Variants in KIF20B observed in about 807,000 individuals in gnomAD.
KIF20B encodes kinesin-like protein KIF20B.
In KIF20B, 188 loss-of-function variants were observed where a neutral mutation model predicts 232.5. The observed-to-expected ratio is 0.81, with a 90% CI of 0.72 to 0.91. The LOEUF is 0.91. Among genes scored for constraint, KIF20B ranks in the 40% least tolerant of loss-of-function variants. The pLI is 0.00. For missense variants in KIF20B, 2,154 were observed against 2,055.9 expected (o/e 1.05, Z -0.92); for synonymous variants, 712 against 683.0 (o/e 1.04, Z -0.66).
intron 28 of KIF20B, 93 bp downstream of exon 28, chr10:89,760,729 G>A: frequency 1.4e-6 from 1 of 737,108 alleles, no homozygotes; most frequent in Non-Finnish European, 2.4e-6. Flanking sequence ...ATACCTTACT[G>A]CACAATTAGC....
Position 89,754,675 on chromosome 10 carries a change from T to C in KIF20B, c.4503+2T>C, listed in dbSNP as rs769282793. On this transcript the variant is annotated splice_donor_variant, in intron 26 of 32. Transcript: ENST00000371728. LOFTEE classifies it high-confidence loss of function. ...TTTTTTAAGCAACAGAATGAAATGG[T>C]TAGTAACAATTGTATCTTTGATGTA... 1.6e-5 allele frequency: 24 copies of C among 1,532,902 alleles called. No individual in the cohort carries two copies. The highest frequency in any genetic ancestry group is 4.2e-5 in the African/African-American group (3 of 71,784). The allele number at this position is 1,532,902 out of a possible 1,614,324, so 95.0% of individuals were successfully genotyped here.
At chr10:89,724,150 A>T (rs1229751456) in intron 14 of KIF20B, 47 bp downstream of exon 14, 4 of 1,402,002 alleles carry the variant, frequency 2.9e-6, no homozygotes, top group Admixed American at 2.8e-5. Context: ...AATTTTATTT[A>T]GTTTTTTAGT....
rs1842119667 is a variant in KIF20B at position 89,756,460 on chromosome 10, C to G, written c.4503+1787C>G. The stretch of plus-strand genomic sequence containing the variant: ...AGGGAAAGCTAGTTTACTCTTTTCT[C>G]TCATATGTTTCTTTATAATCATACT... On this transcript the variant is annotated intron_variant, in intron 26 of 32. Transcript: ENST00000371728. Among the ~76,000 whole-genome samples the G allele has an allele frequency of 1.3e-5, 2 of 152,132 alleles. 1 individual carries two copies. Among genetic ancestry groups the G allele is most frequent in the South Asian group, 4.1e-4 (2 of 4,830 alleles).
At chr10:89,735,191 C>A (rs146895977) in intron 19 of KIF20B, among the ~76,000 whole-genome samples, 1 of 152,052 alleles carries the variant, frequency 6.6e-6, no homozygotes, top group African/African-American at 2.4e-5. Context: ...TTACATATAT[C>A]TAGAAGCAGA....
chr10:89,703,096 A>G (rs1256081349), intron 1 of KIF20B, among the ~76,000 whole-genome samples: 2 of 151,216 alleles, frequency 1.3e-5, no homozygotes, highest in Non-Finnish European at 3.0e-5. Context: ...AGATTTATCA[A>G]CACTTTTCTT....
At chr10:89,756,459 T>C (rs764645879) in intron 26 of KIF20B, among the ~76,000 whole-genome samples, 1 of 152,228 alleles carries the variant, frequency 6.6e-6, no homozygotes, top group African/African-American at 2.4e-5. Context: ...TACTCTTTTC[T>C]CTCATATGTT....
chr10:89,762,746 A>T lies in KIF20B; in HGVS notation c.4900A>T (p.Lys1634Ter). 1 of 1,613,524 alleles carries T rather than the reference A, an allele frequency of 6.2e-7. No individual in the cohort carries two copies. Among genetic ancestry groups the T allele is most frequent in the Admixed American group, 1.7e-5 (1 of 59,910 alleles). The change falls in exon 29 of 33, where the codon AAA becomes TAA. Residue 1634 changes from lysine (K) to a stop codon, truncating the protein, a stop_gained. Transcript: ENST00000371728. LOFTEE classifies it high-confidence loss of function. ...TCAATTTACACCTTTACAGCCAAAC[A>T]AAATGGCAGTGAAACACCCTGGTTG... The part of the protein sequence containing the change: ...EIQFTPLQPN[K>*]MAVKHPGCTT...
rs1843149891 is a variant in KIF20B, at chr10:89,725,038, A to G, written c.1881A>G (p.Glu627=). 2 of 1,613,770 alleles carry G rather than the reference A, an allele frequency of 1.2e-6. No individual in the cohort carries two copies. The highest frequency in any genetic ancestry group is 8.5e-7 in the Non-Finnish European group (1 of 1,179,774). The change falls in exon 15 of 33, where the codon GAA becomes GAG. Residue 627 remains glutamate, a synonymous_variant. Coordinates refer to ENST00000371728, the MANE Select transcript of KIF20B (RefSeq NM_001284259.2). ...EADFKETLLQ[E]REILEENAER... ...TTTGAAGGGAGACTCTGCTTCAAGAACGAGAGATATTAGAAGAAAATGCTG... is the reference window on the plus strand; with the variant it reads ...TTTGAAGGGAGACTCTGCTTCAAGAGCGAGAGATATTAGAAGAAAATGCTG...
At chr10:89,741,504 C>T (rs938378006) in intron 21 of KIF20B, among the ~76,000 whole-genome samples, 2 of 152,064 alleles carry the variant, frequency 1.3e-5, no homozygotes, top group African/African-American at 4.8e-5. Context: ...AGTTTTAAAG[C>T]AAATAATAAT....
At chr10:89,752,498 T>C in intron 24 of KIF20B, 69 bp from the exon 25 acceptor site, 1 of 1,171,778 alleles carries the variant, frequency 8.5e-7, no homozygotes, top group Non-Finnish European at 1.2e-6. Flanking sequence ...GTAGCCCATG[T>C]CAAGTGTATC....
At chr10:89,772,977 A>G in intron 32 of KIF20B, 146 bp downstream of exon 32, 1 of 575,390 alleles carries the variant, frequency 1.7e-6, no homozygotes. Flanking sequence ...TTAAGTTTAT[A>G]CTAATTAAAT....
chr10:89,745,384 G>A (rs932008953), intron 22 of KIF20B, among the ~76,000 whole-genome samples: 7 of 152,140 alleles, frequency 4.6e-5, no homozygotes, highest in African/African-American at 7.2e-5. Flanking sequence ...TTAGCCAGGC[G>A]TGGTGGCACA....
At chr10:89,705,715 A>T (rs143589445) in intron 2 of KIF20B, among the ~76,000 whole-genome samples, 1 of 152,228 alleles carries the variant, frequency 6.6e-6, no homozygotes, top group Admixed American at 6.5e-5. Context: ...TTGTGGCACT[A>T]TAATGGCAGA....
At position 89,710,034 on chromosome 10, in the gene KIF20B, A is replaced by AT; in HGVS notation, c.459_460insT (p.Thr154TyrfsTer28). The AT allele has an allele frequency of 6.2e-7, 1 of 1,608,922 alleles. No homozygotes were observed. The highest frequency in any genetic ancestry group is 1.1e-5 in the South Asian group (1 of 89,900). On this transcript the variant is annotated frameshift_variant, in exon 5 of 33. Coordinates refer to ENST00000371728, the MANE Select transcript of KIF20B (RefSeq NM_001284259.2). LOFTEE classifies it high-confidence loss of function. ...GTCGTCTGATTTTTACTTACGGGCT[A>AT]ACCAATTCAGGAAAAACATATACAT...
chr10:89,707,721 A>G (rs1842754224), intron 2 of KIF20B, among the ~76,000 whole-genome samples: 2 of 150,982 alleles, frequency 1.3e-5, no homozygotes, highest in South Asian at 4.2e-4. Context: ...GGAAGCAGAA[A>G]TCCTCTTCTT....
chr10:89,737,241 T>A, intron 19 of KIF20B, 146 bp from the exon 20 acceptor site: 1 of 926,718 alleles, frequency 1.1e-6, no homozygotes, highest in East Asian at 3.2e-5. Context: ...TGTTTTTTCT[T>A]TTTTTCTCAA....
At chr10:89,702,283 G>A (rs963888137) in intron 1 of KIF20B, among the ~76,000 whole-genome samples, 2 of 152,140 alleles carry the variant, frequency 1.3e-5, no homozygotes, top group Admixed American at 1.3e-4. Context: ...CCCTTCTAGG[G>A]TTTTGCAGTG....
At chr10:89,738,925 C>A in intron 20 of KIF20B, 33 bp from the exon 21 acceptor site, 2 of 1,594,082 alleles carry the variant, frequency 1.3e-6, no homozygotes, top group South Asian at 1.1e-5. Context: ...GTTAATGATG[C>A]ATTACCATAG....
Position 89,738,999 on chromosome 10 carries a change from A to G in KIF20B, c.3818A>G (p.Asn1273Ser), listed in dbSNP as rs1212993467. The G allele has an allele frequency of 6.2e-7, 1 of 1,613,372 alleles. No individual in the cohort carries two copies. The highest frequency in any genetic ancestry group is 2.2e-5 in the East Asian group (1 of 44,800). Reference protein sequence around the residue: ...ELSASSARTQNLKADLQRKEE... With the variant: ...ELSASSARTQSLKADLQRKEE... The stretch of plus-strand genomic sequence containing the variant: ...TCTGCAAGCTCTGCTCGTACCCAGA[A>G]TCTGAAAGCAGATCTTCAGAGGAAG... Residue 1273 changes from asparagine (N) to serine (S), a missense_variant, in exon 21 of 33, where the codon AAT (asparagine) becomes AGT (serine). Transcript: ENST00000371728.
Sources: gnomAD v4.1 joint callset for allele counts (sites outside exome capture counted in the v4.1 genomes callset) on GRCh38, gnomAD v4.1.1 for gene constraint, MANE v1.5 for transcripts, NCBI Gene and HGNC (gene_info 2026-07-23, HGNC 2026-07-21) for gene names.